Variants in PARP6 observed in about 807,000 individuals in gnomAD.
PARP6 encodes protein mono-ADP-ribosyltransferase PARP6.
In PARP6, 27 loss-of-function variants were observed where a neutral mutation model predicts 92.0. The observed-to-expected ratio is 0.29, with a 90% CI of 0.22 to 0.40. The LOEUF is 0.40. PARP6 is among the 10% of genes least tolerant of loss of function. The probability of loss-of-function intolerance (pLI) is 1.00; values close to 1 mark genes in which losing one functional copy is unlikely to be tolerated. For missense variants in PARP6, 501 were observed against 784.5 expected (o/e 0.64, Z 4.32); for synonymous variants, 272 against 281.2 (o/e 0.97, Z 0.33).
chr15:72,250,826 C>T lies in PARP6; in HGVS notation c.1418+19G>A. 1.4e-6 allele frequency: 2 copies of T among 1,453,204 alleles called. No homozygotes were observed. The highest frequency in any genetic ancestry group is 1.9e-6 in the Non-Finnish European group (2 of 1,043,752). 90.0% of individuals were successfully genotyped at this position (1,453,204 alleles called of 1,614,324 possible). A position where few individuals can be genotyped will look rare whatever the true frequency, so the allele number is the denominator to read the frequency against. On this transcript the variant is annotated intron_variant, in intron 18 of 23. Transcript: ENST00000569795. ...CCGCCCCCTCACCACCCCCACTGCC[C>T]AGCCCCCAGCCTCCTCACTGGAAGG...
rs35988131 is a variant in PARP6 at position 72,266,787 on chromosome 15, C to T, written c.39G>A (p.Ser13=). ...ATTCCTCTGATTCATTATCTCCCTC[C>T]GAGTCGTCATCATTCCAGAACTGGC... The part of the protein sequence containing the change: ...IKGQFWNDDD[S]EGDNESEEFL... Residue 13 remains serine (S), a synonymous_variant, in exon 4 of 24, where the codon TCG becomes TCA. Transcript: ENST00000569795. The T allele has an allele frequency of 8.8e-4, 1,421 of 1,614,064 alleles. 14 individuals carry two copies. In the African/African-American group the frequency reaches 0.017, roughly 19 times the overall value.
rs2085730747 is a variant in PARP6 at position 72,260,546 on chromosome 15, T to G, written c.688A>C (p.Ser230Arg). 1 of 1,614,166 alleles carries G rather than the reference T, an allele frequency of 6.2e-7. No homozygotes were observed. Among genetic ancestry groups the G allele is most frequent in the Non-Finnish European group, 8.5e-7 (1 of 1,180,038 alleles). Residue 230 changes from serine (S) to arginine (R), a missense_variant, in exon 10 of 24, where the codon AGC becomes CGC. Ser to Arg is a moderately radical substitution (Grantham distance 110). Around this residue, in one of 4 missense-constraint regions of PARP6, gnomAD observed 291 missense variants for 352.0 expected, o/e 0.83. Coordinates refer to ENST00000569795, the MANE Select transcript of PARP6 (RefSeq NM_001323532.2). ...PKVEVFGYPP[S>R]PQAGLLCPQH... ...GGGCACAGGAGACCTGCCTGGGGGC[T>G]GGGAGGGTAGCCAAACACTTCCACT...
At chr15:72,247,809 G>T (rs1242705997) in intron 20 of PARP6, among the ~76,000 whole-genome samples, 1 of 151,736 alleles carries the variant, frequency 6.6e-6, no homozygotes, top group East Asian at 1.9e-4. Flanking sequence ...TTTAGGCAGA[G>T]TCTTGCTTTG....
At chr15:72,267,979 C>T (rs1481155565) in intron 2 of PARP6, among the ~76,000 whole-genome samples, 4 of 152,134 alleles carry the variant, frequency 2.6e-5, no homozygotes, top group African/African-American at 9.7e-5. Context: ...CTCGAACTCC[C>T]GACTTCAGGT....
intron 20 of PARP6, among the ~76,000 whole-genome samples, chr15:72,248,261 CT>C (rs2083879432): frequency 6.6e-6 from 1 of 151,430 alleles, no homozygotes; most frequent in Non-Finnish European, 1.5e-5. Context: ...TAGTTCTTAC[CT>C]GTATTATCTC....
Position 72,260,589 on chromosome 15 carries a change from A to G in PARP6, c.645T>C (p.Cys215=). ...VGRLMNRSIS[C]TMKNPKVEVF... ...CTTCCACTTTGGGGTTCTTCATGGT[A>G]CAGGAGATGGAACGGTTCATGAGGC... Residue 215 remains cysteine, a synonymous_variant, in exon 10 of 24, where the codon TGT becomes TGC. Coordinates refer to ENST00000569795, the MANE Select transcript of PARP6 (RefSeq NM_001323532.2). 6.2e-7 allele frequency: 1 copy of G among 1,614,174 alleles called. No individual in the cohort carries two copies. The highest frequency in any genetic ancestry group is 2.2e-5 in the East Asian group (1 of 44,886).
In PARP6 at chr15:72,241,518, A is replaced by G; in HGVS notation, c.1830T>C (p.Thr610=). The change falls in exon 24 of 24, where the codon ACT becomes ACC. Residue 610 remains threonine (T), a synonymous_variant. Transcript: ENST00000569795. The surrounding 1 kb of genome is among the most constrained non-coding windows in gnomAD (Gnocchi z 4.1). The stretch of plus-strand genomic sequence containing the variant: ...TTTCCTTCTGTATCTTGGGGTCCTG[A>G]GTATTAATGTTGGCATCGCCCACCT... ...DGQVGDANIN[T]QDPKIQKEIM... 6.2e-7 allele frequency: 1 copy of G among 1,614,132 alleles called. No individual in the cohort carries two copies. Among genetic ancestry groups the G allele is most frequent in the Non-Finnish European group, 8.5e-7 (1 of 1,179,972 alleles).
At chr15:72,255,784 CTTTTTTTTTT>C (rs67560148) in intron 14 of PARP6, among the ~76,000 whole-genome samples, 21 of 92,860 alleles carry the variant, frequency 2.3e-4, no homozygotes, top group South Asian at 1.6e-3. Context: ...TTACTTCTCT[CTTTTTTTTTT>C]TTTTTTTTTT....
chr15:72,260,707 G>T lies in PARP6; in HGVS notation c.546-19C>A. On this transcript the variant is annotated intron_variant, in intron 9 of 23. Coordinates refer to ENST00000569795, the MANE Select transcript of PARP6 (RefSeq NM_001323532.2). ...GGGAGACCTGCAGAGAGAGAGCAAA[G>T]AGAAGTGATAAAACTGGGGATTTCA... is the stretch of plus-strand genomic sequence containing the variant. 6 of 1,584,398 alleles carry T rather than the reference G, an allele frequency of 3.8e-6. No homozygotes were observed. The highest frequency in any genetic ancestry group is 5.2e-6 in the Non-Finnish European group (6 of 1,152,898).
At position 72,241,658 on chromosome 15, in the gene PARP6, A is replaced by C; in HGVS notation, c.1791-101T>G. The C allele has an allele frequency of 3.2e-6, 3 of 951,600 alleles. No individual in the cohort carries two copies. The highest frequency in any genetic ancestry group is 3.3e-6 in the Non-Finnish European group (2 of 600,938). 58.9% of individuals were successfully genotyped at this position (951,600 alleles called of 1,614,324 possible). A position where few individuals can be genotyped will look rare whatever the true frequency, so the allele number is the denominator to read the frequency against. ...TCAAGGTATGGCCATCCCATCCCAG[A>C]AGTCAAAGCCCTTTCTCACTGCTTC... On this transcript the variant is annotated intron_variant, in intron 23 of 23. Transcript: ENST00000569795. This position sits in a 1 kb window ranked among gnomAD's most constrained non-coding sequence, Gnocchi z 4.1.
chr15:72,261,613 T>G lies in PARP6; in HGVS notation c.490A>C (p.Ser164Arg). The G allele has an allele frequency of 6.2e-7, 1 of 1,614,082 alleles. No individual in the cohort carries two copies. Among genetic ancestry groups the G allele is most frequent in the Non-Finnish European group, 8.5e-7 (1 of 1,179,948 alleles). ...GCTCGGAACTTCTTGATGGTACCAC[T>G]TGCCTTGAACCAACTGTGCCTCTTC... ...QEKRHSWFKA[S>R]GTIKKFRAGL... The change falls in exon 9 of 24, where the codon AGT becomes CGT. Residue 164 changes from serine (S) to arginine (R), a missense_variant. Physicochemically the swap from Ser to Arg is moderately radical, Grantham distance 110. This residue lies in a region of PARP6 where 291 missense variants were observed against 352.0 expected (regional missense o/e 0.83). Coordinates refer to ENST00000569795, the MANE Select transcript of PARP6 (RefSeq NM_001323532.2).
intron 9 of PARP6, 71 bp downstream of exon 9, chr15:72,261,487 T>C: frequency 7.5e-7 from 1 of 1,332,852 alleles, no homozygotes; most frequent in East Asian, 2.3e-5. Context: ...GAAACATTTA[T>C]GTAATCAAGA....
intron 11 of PARP6, among the ~76,000 whole-genome samples, chr15:72,259,281 T>C (rs1294788526): frequency 6.6e-6 from 1 of 152,218 alleles, no homozygotes; most frequent in Non-Finnish European, 1.5e-5. Context: ...TGAAGAATAC[T>C]AAAGATCATT....
rs370713698 is a variant in PARP6 at position 72,257,390 on chromosome 15, G to A, written c.957C>T (p.Gly319=). The A allele has an allele frequency of 8.1e-6, 13 of 1,613,798 alleles. No individual in the cohort carries two copies. Among genetic ancestry groups the A allele is most frequent in the African/African-American group, 8.0e-5 (6 of 74,860 alleles). ...CCTCCTCTGCAGCTCCAGACATGACGCCCAGTGTGTAGAAGGAGAAAACGC... is the reference window on the plus strand; with the variant it reads ...CCTCCTCTGCAGCTCCAGACATGACACCCAGTGTGTAGAAGGAGAAAACGC... The part of the protein sequence containing the change: ...ELCVFSFYTL[G]VMSGAAEEVA... The change falls in exon 13 of 24, where the codon GGC becomes GGT. Residue 319 remains glycine, a synonymous_variant. Coordinates refer to ENST00000569795, the MANE Select transcript of PARP6 (RefSeq NM_001323532.2).
rs2083046316 is a variant in PARP6 at position 72,241,471 on chromosome 15, T to C, written c.1877A>G (p.Gln626Arg). The stretch of plus-strand genomic sequence containing the variant: ...GGGGCCCCCTCAGTTTGTGTAAACC[T>C]GAGTTCCGATCACACGCATGATTTC... ...QKEIMRVIGT[Q>R]VYTN The change falls in exon 24 of 24, where the codon CAG (glutamine) becomes CGG (arginine). Residue 626 changes from glutamine (Q) to arginine (R), a missense_variant. This residue lies in a region of PARP6 where 17 missense variants were observed against 16.5 expected (regional missense o/e 1.03). Coordinates refer to ENST00000569795, the MANE Select transcript of PARP6 (RefSeq NM_001323532.2). The surrounding 1 kb of genome is among the most constrained non-coding windows in gnomAD (Gnocchi z 4.1). 6.2e-7 allele frequency: 1 copy of C among 1,614,006 alleles called. No individual in the cohort carries two copies. The highest frequency in any genetic ancestry group is 8.5e-7 in the Non-Finnish European group (1 of 1,179,850).
At chr15:72,248,024 G>A (rs2083845030) in intron 20 of PARP6, among the ~76,000 whole-genome samples, 1 of 152,070 alleles carries the variant, frequency 6.6e-6, no homozygotes, top group Non-Finnish European at 1.5e-5. Context: ...GCCCACATCA[G>A]CCTCCCAAAG....
intron 20 of PARP6, among the ~76,000 whole-genome samples, chr15:72,247,839 C>T (rs55763892): frequency 0.55 from 82,970 of 151,788 alleles, 27,703 homozygotes; most frequent in Non-Finnish European, 0.73. Flanking sequence ...CTGGAGTGCA[C>T]TGGTTTGATC....
At chr15:72,243,776 T>A (rs1212010693) in intron 20 of PARP6, 1 of 152,226 alleles carries the variant, frequency 6.6e-6, no homozygotes, top group Non-Finnish European at 1.5e-5. Flanking sequence ...CGTGCCTGTG[T>A]GTGTCCACCA....
rs545882998 is a variant in PARP6, at chr15:72,242,429, C to T, written c.1641+191G>A. Among the ~76,000 whole-genome samples the T allele has an allele frequency of 3.0e-4, 45 of 152,302 alleles. No homozygotes were observed. The highest frequency in any genetic ancestry group is 1.0e-3 in the African/African-American group (42 of 41,556). The stretch of plus-strand genomic sequence containing the variant: ...CTTTACATTTTCATCTAAACTCAGC[C>T]TCTGCTTTTATACTCATGACTTCAG... On this transcript the variant is annotated intron_variant, in intron 21 of 23. Transcript: ENST00000569795. The surrounding 1 kb of genome is among the most constrained non-coding windows in gnomAD (Gnocchi z 4.3).
Sources: allele counts gnomAD v4.1 joint callset (sites outside exome capture counted in the v4.1 genomes callset), GRCh38; gene constraint gnomAD v4.1.1; regional missense constraint gnomAD v4.1.1; non-coding constraint Gnocchi (gnomAD v3.1); transcripts MANE v1.5; gene names NCBI Gene and HGNC (gene_info 2026-07-23, HGNC 2026-07-21).